SHANK2: variants seen among roughly 807,000 people sequenced by gnomAD.
SHANK2 encodes SH3 and multiple ankyrin repeat domains 2.
SHANK2 carries 43 observed loss-of-function variants against 133.7 expected under a neutral mutation model. The observed-to-expected ratio is 0.32, with a 90% CI of 0.25 to 0.41. SHANK2 has a LOEUF of 0.41. SHANK2 is among the 10% of genes least tolerant of loss of function. The pLI is 1.00. For synonymous variants in SHANK2, 1,017 were observed against 952.8 expected (o/e 1.07, Z -1.24); for missense variants, 1,994 against 2,235.8 (o/e 0.89, Z 2.18).
At chr11:70,878,201 G>A (rs1357854416) in intron 11 of SHANK2, among the ~76,000 whole-genome samples, 4 of 152,156 alleles carry the variant, frequency 2.6e-5, no homozygotes, top group Admixed American at 1.3e-4. Context: ...AAACCAAGCC[G>A]CAGCTCCCTC....
intron 1 of SHANK2, among the ~76,000 whole-genome samples, chr11:71,240,099 T>C (rs1565532536): frequency 6.6e-6 from 1 of 152,202 alleles, no homozygotes; most frequent in Admixed American, 6.5e-5. Context: ...CTCCAGAAGC[T>C]ATTTAACCAG....
intron 11 of SHANK2, among the ~76,000 whole-genome samples, chr11:70,870,057 G>A (rs1949433938): frequency 6.6e-6 from 1 of 152,196 alleles, no homozygotes; most frequent in South Asian, 2.1e-4. Flanking sequence ...CAGTGAGGTT[G>A]CGACGAGGTA....
chr11:71,151,107 C>G lies in SHANK2; in HGVS notation c.-12-3769G>C, dbSNP rs560861909. On this transcript the variant is annotated intron_variant, in intron 2 of 25. Transcript: ENST00000601538. Reference sequence around the variant, plus strand: ...TCCTCTGCACCCTGGAAGCCACTGCCCCTCACCATCCAGGTACACTGAGGC... The same window carrying G: ...TCCTCTGCACCCTGGAAGCCACTGCGCCTCACCATCCAGGTACACTGAGGC... Among the ~76,000 whole-genome samples, 14 of 152,224 alleles carry G rather than the reference C, an allele frequency of 9.2e-5. No individual in the cohort carries two copies. The East Asian group carries it at 1.4e-3, about 15-fold the overall frequency.
chr11:70,628,488 C>T (rs1162527274), intron 17 of SHANK2, among the ~76,000 whole-genome samples: 3 of 152,200 alleles, frequency 2.0e-5, no homozygotes, highest in African/African-American at 7.2e-5. Context: ...CTTAATATAT[C>T]AAGAGCTCTT....
intron 17 of SHANK2, chr11:70,570,803 C>T (rs782307204): frequency 3.3e-5 from 5 of 152,268 alleles, no homozygotes; most frequent in Non-Finnish European, 5.9e-5. Context: ...GGCCCACACC[C>T]ACCAGGGCCT....
At chr11:70,899,630 T>C (rs7122521) in intron 10 of SHANK2, among the ~76,000 whole-genome samples, 148,506 of 152,272 alleles carry the variant, frequency 0.98, 72,514 homozygotes, top group Middle Eastern at 1. Flanking sequence ...TCTCTTCCTA[T>C]AGCCCACCTC....
chr11:70,810,843 T>C (rs1948263071), intron 12 of SHANK2, among the ~76,000 whole-genome samples: 1 of 152,126 alleles, frequency 6.6e-6, no homozygotes, highest in South Asian at 2.1e-4. Context: ...CATTGACCAT[T>C]ATCCAGGCTG....
intron 11 of SHANK2, among the ~76,000 whole-genome samples, chr11:70,834,086 G>A (rs2135407450): frequency 6.6e-6 from 1 of 152,378 alleles, no homozygotes; most frequent in South Asian, 2.1e-4. Flanking sequence ...TGGGATGTAG[G>A]AAGCAATGCC....
chr11:71,247,978 TTAA>T (rs1183287780), intron 1 of SHANK2, among the ~76,000 whole-genome samples: 35 of 152,300 alleles, frequency 2.3e-4, no homozygotes, highest in African/African-American at 8.2e-4. Flanking sequence ...CCACAGGCTT[TTAA>T]GAACTTAATC....
intron 25 of SHANK2, among the ~76,000 whole-genome samples, chr11:70,476,425 C>T (rs1046587089): frequency 1.3e-5 from 2 of 152,238 alleles, no homozygotes; most frequent in East Asian, 1.9e-4. Context: ...CAAAGAAGGT[C>T]GAAAGACCAG....
At chr11:70,616,080 C>A (rs1424237549) in intron 17 of SHANK2, among the ~76,000 whole-genome samples, 1 of 152,130 alleles carries the variant, frequency 6.6e-6, no homozygotes, top group East Asian at 1.9e-4. Context: ...CTGTCCTTGC[C>A]GTTAGGATGC....
intron 14 of SHANK2, among the ~76,000 whole-genome samples, chr11:70,713,727 C>T (rs1475250609): frequency 6.6e-6 from 1 of 152,260 alleles, no homozygotes; most frequent in Non-Finnish European, 1.5e-5. Flanking sequence ...TCCATTGCTG[C>T]CACCATGTGA....
chr11:71,145,143 G>A (rs1291359582), intron 3 of SHANK2, among the ~76,000 whole-genome samples: 1 of 152,238 alleles, frequency 6.6e-6, no homozygotes, highest in African/African-American at 2.4e-5. Context: ...AGCCCCTGGG[G>A]CCAGTGGCAT....
At chr11:70,838,466 T>C (rs1294846011) in intron 11 of SHANK2, among the ~76,000 whole-genome samples, 1 of 152,170 alleles carries the variant, frequency 6.6e-6, no homozygotes, top group Non-Finnish European at 1.5e-5. Flanking sequence ...GTTTTTCAAG[T>C]AGGTAGTAAA....
chr11:71,205,597 C>T (rs568848569), intron 2 of SHANK2, among the ~76,000 whole-genome samples: 8 of 152,244 alleles, frequency 5.3e-5, no homozygotes, highest in East Asian at 1.9e-4. Flanking sequence ...TTGGGAAGTC[C>T]GAGTCGGCCA....
chr11:70,785,082 C>G (rs1947620089), intron 14 of SHANK2, among the ~76,000 whole-genome samples: 1 of 152,182 alleles, frequency 6.6e-6, no homozygotes, highest in Admixed American at 6.5e-5. Context: ...CCTGCAGCTG[C>G]TAGGCCCGTA....
At chr11:70,784,021 T>C (rs1356977629) in intron 14 of SHANK2, among the ~76,000 whole-genome samples, 1 of 152,082 alleles carries the variant, frequency 6.6e-6, no homozygotes, top group African/African-American at 2.4e-5. Context: ...GGGGACAGGC[T>C]GGAAGTGGGA....
intron 11 of SHANK2, among the ~76,000 whole-genome samples, chr11:70,851,945 T>C (rs1306353821): frequency 3.3e-5 from 5 of 152,142 alleles, no homozygotes; most frequent in African/African-American, 1.2e-4. Context: ...GATCAATTAA[T>C]AAGAATCACT....
At chr11:71,207,218 C>T (rs1220940260) in intron 2 of SHANK2, among the ~76,000 whole-genome samples, 2 of 128,426 alleles carry the variant, frequency 1.6e-5, no homozygotes, top group Non-Finnish European at 3.1e-5. Flanking sequence ...CTTACTCTAT[C>T]AACCAGGCTG....
Sources: allele counts gnomAD v4.1 joint callset (sites outside exome capture counted in the v4.1 genomes callset), GRCh38; gene constraint gnomAD v4.1.1; transcripts MANE v1.5; gene names NCBI Gene and HGNC (gene_info 2026-07-23, HGNC 2026-07-21).